Variants in NVL observed in about 807,000 individuals in gnomAD.
The protein encoded by NVL is nuclear valosin-containing protein-like.
NVL carries 84 observed loss-of-function variants against 110.2 expected under a neutral mutation model. The observed-to-expected ratio is 0.76, with a 90% confidence interval of 0.64 to 0.91. NVL has a LOEUF of 0.91. NVL is among the 40% of genes least tolerant of loss of function. NVL has a pLI of 0.00. For missense variants in NVL, 882 were observed against 1,035.9 expected, an observed-to-expected ratio of 0.85 and a Z score of 2.04; for synonymous variants, 354 against 361.1, an observed-to-expected ratio of 0.98 and a Z score of 0.22.
chr1:224,240,479 G>A (rs1408260222), intron 19 of NVL, among the ~76,000 whole-genome samples: 1 of 152,012 alleles, frequency 6.6e-6, no homozygotes, highest in Non-Finnish European at 1.5e-5. Context: ...CCAAAGTGCT[G>A]GGATTACAGG....
intron 9 of NVL, 58 bp downstream of exon 9, chr1:224,303,665 C>A: frequency 1.3e-6 from 2 of 1,568,796 alleles, no homozygotes; most frequent in South Asian, 2.4e-5. Context: ...AGAGAAAAAA[C>A]AAAAACAAAT....
chr1:224,326,494 C>T (rs749060616), intron 1 of NVL, 30 bp from the exon 2 acceptor site: 2 of 1,437,090 alleles, frequency 1.4e-6, no homozygotes, highest in South Asian at 2.3e-5. Context: ...AAATACAAAA[C>T]ACCCAATATT....
At chr1:224,257,765 C>T (rs1663458003) in intron 18 of NVL, among the ~76,000 whole-genome samples, 1 of 152,096 alleles carries the variant, frequency 6.6e-6, no homozygotes, top group African/African-American at 2.4e-5. Context: ...GTCTTGAACT[C>T]CTGAGCTCAA....
At position 224,268,118 on chromosome 1, in the gene NVL, G is replaced by A. The variant is rs367715317; in HGVS notation, c.2098C>T (p.Arg700Ter). The change falls in exon 18 of 23, where the codon CGA (arginine) becomes TGA (stop). Residue 700 changes from arginine (R) to a stop codon, truncating the protein, a stop_gained. Coordinates refer to ENST00000281701, the MANE Select transcript of NVL (RefSeq NM_002533.4). LOFTEE classifies it high-confidence loss of function. ...TCTGTAAGTAGCTGATTCACCACTC[G>A]GACACTTGCCCCTGTCTAAAAAGAC... Reference protein sequence around the residue: ...RSDRETGASVRVVNQLLTEMD... With the variant: ...RSDRETGASV The A allele has an allele frequency of 4.6e-5, 74 of 1,613,146 alleles. No homozygotes were observed. The highest frequency in any genetic ancestry group is 6.1e-5 in the Non-Finnish European group (72 of 1,179,520).
intron 12 of NVL, among the ~76,000 whole-genome samples, chr1:224,292,544 C>A (rs369520947): frequency 6.6e-6 from 1 of 152,150 alleles, no homozygotes. Context: ...GCAACCCAGT[C>A]CCGCCTAGGT....
In NVL at chr1:224,286,117, T is replaced by C. The variant is rs1312369652; in HGVS notation, c.1808A>G (p.Asn603Ser). Residue 603 changes from asparagine to serine, a missense_variant, in exon 15 of 23, where the codon AAC (asparagine) becomes AGC (serine). Physicochemically the swap from Asn to Ser is conservative, Grantham distance 46 (BLOSUM62 1). This residue lies in a region of NVL where 416 missense variants were observed against 499.3 expected (regional missense o/e 0.83). Transcript: ENST00000281701. ...TCCAAGAGCTTTGAACTGGTCTGGG[T>C]TGCGTACTGGTGCCTGGAAATAATG... The part of the protein sequence containing the change: ...LTMAILAPVR[N>S]PDQFKALGLV... The C allele has an allele frequency of 6.2e-7, 1 of 1,613,708 alleles. No individual in the cohort carries two copies. Among genetic ancestry groups the C allele is most frequent in the Admixed American group, 1.7e-5 (1 of 59,990 alleles).
At chr1:224,264,652 G>A (rs1004357343) in intron 18 of NVL, among the ~76,000 whole-genome samples, 9 of 152,300 alleles carry the variant, frequency 5.9e-5, no homozygotes, top group Middle Eastern at 3.4e-3. Context: ...GAAGTTATAA[G>A]CAATCAAAAC....
chr1:224,258,365 T>TA (rs1224730717), intron 18 of NVL, among the ~76,000 whole-genome samples: 2 of 151,994 alleles, frequency 1.3e-5, no homozygotes, highest in Non-Finnish European at 2.9e-5. Context: ...ATAACTATAA[T>TA]AAAAAAAGAC....
chr1:224,307,489 C>T (rs1025775668), intron 6 of NVL, among the ~76,000 whole-genome samples: 4 of 152,008 alleles, frequency 2.6e-5, no homozygotes, highest in Admixed American at 2.6e-4. Context: ...ATTGCTTGAC[C>T]CCAAGAGTTC....
chr1:224,237,707 C>G (rs1255231479), intron 19 of NVL, among the ~76,000 whole-genome samples: 1 of 150,656 alleles, frequency 6.6e-6, no homozygotes, highest in Non-Finnish European at 1.5e-5. Context: ...GGAGCTGGAA[C>G]TACATGCCAC....
chr1:224,229,283 T>C (rs12082619), intron 22 of NVL, among the ~76,000 whole-genome samples: 6,821 of 150,520 alleles, frequency 0.045, 206 homozygotes, highest in African/African-American at 0.07. Context: ...GCAACAAGAG[T>C]GAAACTCTGT....
chr1:224,325,761 G>A (rs547866933), intron 2 of NVL, among the ~76,000 whole-genome samples: 5 of 152,284 alleles, frequency 3.3e-5, no homozygotes, highest in Middle Eastern at 3.4e-3. Flanking sequence ...GAAACTCAGG[G>A]AGATCATACC....
chr1:224,268,570 A>G lies in NVL; in HGVS notation c.2083-437T>C, dbSNP rs138849577. ...AGGCTGGTCGTGACCTCCTGGCCTCAAGCAATCCTCTTGCCTCAGCCTCCC... is the reference window on the plus strand; with the variant it reads ...AGGCTGGTCGTGACCTCCTGGCCTCGAGCAATCCTCTTGCCTCAGCCTCCC... On this transcript the variant is annotated intron_variant, in intron 17 of 22. Coordinates refer to ENST00000281701, the MANE Select transcript of NVL (RefSeq NM_002533.4). Among the ~76,000 whole-genome samples, 1,310 of 152,272 alleles carry G rather than the reference A, an allele frequency of 8.6e-3. 22 individuals are homozygous for G. The highest frequency in any genetic ancestry group is 0.029 in the African/African-American group (1,209 of 41,562).
intron 17 of NVL, among the ~76,000 whole-genome samples, chr1:224,270,252 C>T (rs1664950553): frequency 6.6e-6 from 1 of 152,080 alleles, no homozygotes; most frequent in Non-Finnish European, 1.5e-5. Context: ...ATAGATTTTG[C>T]TGCATTAAAG....
At chr1:224,242,844 G>A (rs975919191) in intron 19 of NVL, among the ~76,000 whole-genome samples, 3 of 57,302 alleles carry the variant, frequency 5.2e-5, no homozygotes, top group African/African-American at 1.8e-4. Context: ...TTTTTTTTTT[G>A]AGACAGAGTT....
At chr1:224,315,810 T>C (rs1191619745) in intron 4 of NVL, among the ~76,000 whole-genome samples, 6 of 152,234 alleles carry the variant, frequency 3.9e-5, no homozygotes, top group Non-Finnish European at 2.9e-5. Flanking sequence ...TATGTTACAT[T>C]GCATTTTGTA....
chr1:224,250,884 C>T lies in NVL; in HGVS notation c.2183-566G>A, dbSNP rs188875400. Among the ~76,000 whole-genome samples, 584 of 152,188 alleles carry T rather than the reference C, an allele frequency of 3.8e-3. 2 individuals carry two copies. The highest frequency in any genetic ancestry group is 5.4e-3 in the Non-Finnish European group (365 of 67,992). On this transcript the variant is annotated intron_variant, in intron 18 of 22. Coordinates refer to ENST00000281701, the MANE Select transcript of NVL (RefSeq NM_002533.4). ...GTTGCCCAGGCTAGTCTTGAACTCC[C>T]GAGTGCAAGCAATCCGCCCTTCTCG...
At chr1:224,246,879 T>C (rs1376179320) in intron 19 of NVL, among the ~76,000 whole-genome samples, 4 of 150,978 alleles carry the variant, frequency 2.6e-5, no homozygotes, top group Non-Finnish European at 4.4e-5. Context: ...CTACTAAAAA[T>C]ACAAAAAAAA....
chr1:224,263,272 C>T (rs1299726453), intron 18 of NVL, among the ~76,000 whole-genome samples: 6 of 152,132 alleles, frequency 3.9e-5, no homozygotes, highest in Non-Finnish European at 5.9e-5. Context: ...ATATCACTCA[C>T]CAAGGTTCAA....
Sources: gnomAD v4.1 joint callset for allele counts (sites outside exome capture counted in the v4.1 genomes callset) on GRCh38, gnomAD v4.1.1 for gene constraint, gnomAD v4.1.1 regional missense constraint, MANE v1.5 for transcripts, NCBI Gene and HGNC (gene_info 2026-07-23, HGNC 2026-07-21) for gene names.